ULK4: variants seen among roughly 807,000 people sequenced by gnomAD.
ULK4 encodes the protein inactive serine/threonine-protein kinase ULK4.
A neutral mutation model predicts 160.6 loss-of-function variants in ULK4; 133 were observed. The ratio of observed to expected loss-of-function variants is 0.83; its 90% CI spans 0.72 to 0.96. The LOEUF (loss-of-function observed/expected upper bound fraction) is 0.96, where lower values mean the gene tolerates loss of function less well. Ranked by LOEUF, ULK4 falls within the 40% of genes least tolerant of loss-of-function variation. ULK4 has a pLI of 0.00. For missense variants in ULK4, 1,580 were observed against 1,499.5 expected (o/e 1.05, Z -0.89); for synonymous variants, 534 against 539.8 (o/e 0.99, Z 0.15).
chr3:41,249,477 G>C lies in ULK4; in HGVS notation c.3764+12C>G. On this transcript the variant is annotated intron_variant, in intron 36 of 36. Coordinates refer to ENST00000301831, the MANE Select transcript of ULK4 (RefSeq NM_017886.4). ...CTAGAGCAGACTGCTGATCCTCCTGGGTCCCACTTACCCACTCCCAGGGGC... is the reference window on the plus strand; with the variant it reads ...CTAGAGCAGACTGCTGATCCTCCTGCGTCCCACTTACCCACTCCCAGGGGC... 1 of 1,611,640 alleles carries C rather than the reference G, an allele frequency of 6.2e-7. No individual in the cohort carries two copies. The highest frequency in any genetic ancestry group is 8.5e-7 in the Non-Finnish European group (1 of 1,178,756).
At chr3:41,867,864 G>T (rs1207130506) in intron 17 of ULK4, among the ~76,000 whole-genome samples, 1 of 152,196 alleles carries the variant, frequency 6.6e-6, no homozygotes, top group Non-Finnish European at 1.5e-5. Flanking sequence ...CTAAAAATTT[G>T]TGAGATTTTA....
intron 19 of ULK4, among the ~76,000 whole-genome samples, chr3:41,807,617 A>C (rs78504247): frequency 0.043 from 6,482 of 152,200 alleles, 424 homozygotes; most frequent in African/African-American, 0.15. Flanking sequence ...ACACAGGAAG[A>C]CTCAATCTAG....
chr3:41,665,593 T>C (rs188518146), intron 29 of ULK4, among the ~76,000 whole-genome samples: 2 of 152,246 alleles, frequency 1.3e-5, no homozygotes, highest in East Asian at 3.9e-4. Flanking sequence ...GATTTGCCCA[T>C]GTATAAAACA....
intron 34 of ULK4, among the ~76,000 whole-genome samples, chr3:41,438,531 CAT>C (rs1479245636): frequency 1.3e-5 from 2 of 152,110 alleles, no homozygotes; most frequent in Non-Finnish European, 1.5e-5. Context: ...ATGGAACAAA[CAT>C]ACACAGCAGC....
chr3:41,436,607 C>A (rs1048712111), intron 34 of ULK4, among the ~76,000 whole-genome samples: 2 of 152,136 alleles, frequency 1.3e-5, no homozygotes, highest in African/African-American at 4.8e-5. Context: ...GAAAAAGGAG[C>A]CTTTATGCAC....
intron 35 of ULK4, among the ~76,000 whole-genome samples, chr3:41,331,887 A>G (rs2080449862): frequency 1.3e-5 from 2 of 152,210 alleles, no homozygotes; most frequent in African/African-American, 4.8e-5. Flanking sequence ...GTTAATATGG[A>G]TTAAGTAGAT....
chr3:41,668,670 A>G (rs1256769198), intron 29 of ULK4, among the ~76,000 whole-genome samples: 2 of 152,242 alleles, frequency 1.3e-5, no homozygotes, highest in Non-Finnish European at 2.9e-5. Context: ...AAAAGAAAAG[A>G]AAGGTAACAC....
intron 35 of ULK4, among the ~76,000 whole-genome samples, chr3:41,289,256 G>A (rs549254734): frequency 7.9e-5 from 12 of 152,276 alleles, no homozygotes; most frequent in African/African-American, 2.4e-4. Flanking sequence ...TGAGTGTACT[G>A]TACATTTTTA....
chr3:41,955,617 C>A, intron 1 of ULK4: 1 of 156,814 alleles, frequency 6.4e-6, no homozygotes, highest in Non-Finnish European at 1.4e-5. Context: ...AGCTGGCGCG[C>A]CATGGAGTTG....
intron 17 of ULK4, among the ~76,000 whole-genome samples, chr3:41,860,676 G>A (rs1300009423): frequency 7.2e-5 from 11 of 152,130 alleles, no homozygotes; most frequent in Admixed American, 7.2e-4. Context: ...CATCCAGCCA[G>A]TCTCTGTCTT....
intron 30 of ULK4, among the ~76,000 whole-genome samples, chr3:41,630,088 G>A (rs76990313): frequency 0.049 from 7,412 of 152,232 alleles, 271 homozygotes; most frequent in Non-Finnish European, 0.076. Flanking sequence ...CACCAATGGG[G>A]CCTTGTATTA....
At chr3:41,306,098 G>A (rs1323099165) in intron 35 of ULK4, among the ~76,000 whole-genome samples, 15 of 144,794 alleles carry the variant, frequency 1.0e-4, no homozygotes, top group Admixed American at 7.5e-4. Context: ...GAGCGTCTCC[G>A]CCCGGCCGCC....
intron 16 of ULK4, 122 bp downstream of exon 16, chr3:41,895,396 G>C (rs1405639162): frequency 1.4e-5 from 7 of 488,292 alleles, no homozygotes; most frequent in Non-Finnish European, 2.4e-5. Context: ...TATGAGTAGA[G>C]TCATCATTAC....
At chr3:41,484,753 G>A (rs1034322756) in intron 32 of ULK4, among the ~76,000 whole-genome samples, 12 of 152,028 alleles carry the variant, frequency 7.9e-5, no homozygotes, top group Admixed American at 2.0e-4. Flanking sequence ...CGCCCGGCCC[G>A]AGTGACCTTT....
chr3:41,253,157 A>T (rs1404874663), intron 35 of ULK4, among the ~76,000 whole-genome samples: 1 of 152,128 alleles, frequency 6.6e-6, no homozygotes, highest in African/African-American at 2.4e-5. Context: ...AAATTTACTA[A>T]AGGAAGTTCT....
intron 29 of ULK4, among the ~76,000 whole-genome samples, chr3:41,669,992 TGA>T (rs1330687949): frequency 6.6e-6 from 1 of 152,172 alleles, no homozygotes; most frequent in Non-Finnish European, 1.5e-5. Context: ...AAGCAAAACC[TGA>T]GAGTCTTGAA....
chr3:41,841,809 C>T (rs1454653952), intron 17 of ULK4, among the ~76,000 whole-genome samples: 1 of 152,162 alleles, frequency 6.6e-6, no homozygotes, highest in Non-Finnish European at 1.5e-5. Flanking sequence ...ATTCTTCTGC[C>T]TTGGGATGCT....
intron 20 of ULK4, among the ~76,000 whole-genome samples, chr3:41,794,686 A>AAAAAAAAAAAAAAAAAAAC (rs1553654814): frequency 2.4e-4 from 27 of 112,424 alleles, no homozygotes; most frequent in African/African-American, 9.5e-4. Flanking sequence ...AAAAAAAAAA[A>AAAAAAAAAAAAAAAAAAAC]CACAGAAAAA....
At chr3:41,387,014 G>A (rs995713188) in intron 35 of ULK4, among the ~76,000 whole-genome samples, 8 of 152,050 alleles carry the variant, frequency 5.3e-5, no homozygotes, top group African/African-American at 9.7e-5. Context: ...TTCTGAATCC[G>A]TCTTGCTCAA....
Sources: gnomAD v4.1 joint callset for allele counts (sites outside exome capture counted in the v4.1 genomes callset) on GRCh38, gnomAD v4.1.1 for gene constraint, MANE v1.5 for transcripts, NCBI Gene and HGNC (gene_info 2026-07-23, HGNC 2026-07-21) for gene names.